The following LRRTM4 variants were observed in gnomAD, a reference collection of about 807,000 sequenced individuals.
The protein encoded by LRRTM4 is leucine-rich repeat transmembrane neuronal protein 4.
In LRRTM4, 25 loss-of-function variants were observed where a neutral mutation model predicts 47.6. The observed-to-expected ratio is 0.53, with a 90% CI of 0.38 to 0.73. The LOEUF (loss-of-function observed/expected upper bound fraction) is 0.73. Among genes scored for constraint, LRRTM4 ranks in the 30% least tolerant of loss-of-function variants. The pLI is 0.00. For synonymous variants in LRRTM4, 311 were observed against 269.5 expected (o/e 1.15, Z -1.51); for missense variants, 638 against 713.4 (o/e 0.89, Z 1.20).
intron 3 of LRRTM4, among the ~76,000 whole-genome samples, chr2:76,991,534 G>A (rs191719461): frequency 4.6e-5 from 7 of 151,702 alleles, no homozygotes; most frequent in South Asian, 2.1e-4. Flanking sequence ...AAATTCTAGC[G>A]GAAATTTATA....
At position 77,494,160 on chromosome 2, in the gene LRRTM4, C is replaced by T. The variant is rs1003482591; in HGVS notation, c.1551+24158G>A. On this transcript the variant is annotated intron_variant, in intron 3 of 3. Coordinates refer to ENST00000409884, the MANE Select transcript of LRRTM4 (RefSeq NM_001134745.3). ...TCTTAATATGTTAAAGGTTTTACAGCGAAAATCAATTGCTGTTCTTGTATA... is the reference window on the plus strand; with the variant it reads ...TCTTAATATGTTAAAGGTTTTACAGTGAAAATCAATTGCTGTTCTTGTATA... Among the ~76,000 whole-genome samples, 4 of 151,824 alleles carry T rather than the reference C, an allele frequency of 2.6e-5. No individual in the cohort carries two copies. In the South Asian group the frequency reaches 6.2e-4, roughly 24 times the overall value.
At chr2:76,839,639 T>C (rs962425989) in intron 3 of LRRTM4, among the ~76,000 whole-genome samples, 7 of 152,098 alleles carry the variant, frequency 4.6e-5, no homozygotes, top group African/African-American at 1.7e-4. Flanking sequence ...CATGAAAATA[T>C]AATTATTCAA....
chr2:77,246,954 T>A (rs1369076154), intron 3 of LRRTM4, among the ~76,000 whole-genome samples: 1 of 152,044 alleles, frequency 6.6e-6, no homozygotes, highest in Non-Finnish European at 1.5e-5. Flanking sequence ...CAGAGGCAAA[T>A]ATGCCAGCAT....
Position 76,900,130 on chromosome 2 carries a change from G to A in LRRTM4, c.1552-151214C>T, listed in dbSNP as rs539742667. On this transcript the variant is annotated intron_variant, in intron 3 of 3. Transcript: ENST00000409884. ...TGCCTCTAGTCCCAGCTGCTTGGGA[G>A]GCTTGAGGTGGGAGATTGGCTTGAA... is the stretch of plus-strand genomic sequence containing the variant. 3.4e-4 allele frequency among the ~76,000 whole-genome samples: 51 copies of A among 152,156 alleles called. 3 individuals are homozygous for A. The South Asian group carries it at 0.01, about 31-fold the overall frequency.
At chr2:77,035,218 C>A (rs776842422) in intron 3 of LRRTM4, among the ~76,000 whole-genome samples, 1 of 151,576 alleles carries the variant, frequency 6.6e-6, no homozygotes, top group African/African-American at 2.4e-5. Flanking sequence ...CCCTTCCCCC[C>A]ACCCCGGTGT....
rs1171044532 is a variant in LRRTM4 at position 76,778,018 on chromosome 2, C to G, written c.1552-29102G>C. Among the ~76,000 whole-genome samples the G allele has an allele frequency of 2.7e-3, 391 of 144,634 alleles. 1 individual carries two copies. The highest frequency in any genetic ancestry group is 0.026 in the East Asian group (125 of 4,740). 94.9% of individuals were successfully genotyped at this position (144,634 alleles called of 152,430 possible). On this transcript the variant is annotated intron_variant, in intron 3 of 3. Coordinates refer to ENST00000409884, the MANE Select transcript of LRRTM4 (RefSeq NM_001134745.3). ...CTTTTTCTGCATCTATTGAGATAAT[C>G]ATGTGGTTTTTGTCTTTGGCTCTGT...
chr2:77,201,637 T>C (rs1429659213), intron 3 of LRRTM4, among the ~76,000 whole-genome samples: 1 of 152,110 alleles, frequency 6.6e-6, no homozygotes, highest in Non-Finnish European at 1.5e-5. Context: ...TTAGTGTTCT[T>C]TTAATATACC....
At chr2:76,865,709 A>G (rs1038976383) in intron 3 of LRRTM4, among the ~76,000 whole-genome samples, 1 of 151,866 alleles carries the variant, frequency 6.6e-6, no homozygotes, top group African/African-American at 2.4e-5. Context: ...TAAATCAGAG[A>G]GAAGTATACT....
chr2:76,753,985 A>G (rs943596051), intron 3 of LRRTM4, among the ~76,000 whole-genome samples: 1 of 152,156 alleles, frequency 6.6e-6, no homozygotes, highest in Non-Finnish European at 1.5e-5. Context: ...TTTCACGAAC[A>G]TTGTTCACAT....
At chr2:77,241,703 C>T (rs757956608) in intron 3 of LRRTM4, among the ~76,000 whole-genome samples, 12 of 151,974 alleles carry the variant, frequency 7.9e-5, no homozygotes, top group East Asian at 1.9e-4. Context: ...TATAAATATT[C>T]GCTAATATAT....
intron 3 of LRRTM4, among the ~76,000 whole-genome samples, chr2:77,212,629 G>A (rs1190903242): frequency 6.6e-6 from 1 of 151,336 alleles, no homozygotes; most frequent in Admixed American, 6.6e-5. Flanking sequence ...AAATTTAGAT[G>A]AACTGTCTTA....
At chr2:77,066,794 T>G (rs1472528182) in intron 3 of LRRTM4, among the ~76,000 whole-genome samples, 1 of 152,190 alleles carries the variant, frequency 6.6e-6, no homozygotes, top group African/African-American at 2.4e-5. Flanking sequence ...AAACAGAAAT[T>G]AAAGAAGATG....
At chr2:76,795,596 C>T (rs10221607) in intron 3 of LRRTM4, among the ~76,000 whole-genome samples, 4 of 73,338 alleles carry the variant, frequency 5.5e-5, no homozygotes, top group South Asian at 4.9e-4. Flanking sequence ...CACACATACA[C>T]ACACACTACA....
At chr2:77,478,974 A>C (rs1677544193) in intron 3 of LRRTM4, among the ~76,000 whole-genome samples, 1 of 151,994 alleles carries the variant, frequency 6.6e-6, no homozygotes, top group African/African-American at 2.4e-5. Flanking sequence ...GGCTCACTGC[A>C]ACCTCCGCCT....
intron 3 of LRRTM4, among the ~76,000 whole-genome samples, chr2:77,264,368 G>A (rs778791494): frequency 5.9e-5 from 9 of 151,646 alleles, no homozygotes; most frequent in South Asian, 2.1e-4. Context: ...GCAAGTGAGC[G>A]CTCTGGTTTC....
intron 3 of LRRTM4, among the ~76,000 whole-genome samples, chr2:76,862,321 G>A (rs185370523): frequency 3.9e-5 from 6 of 152,216 alleles, no homozygotes; most frequent in Admixed American, 2.6e-4. Context: ...GAATTAAATG[G>A]CAATTCACAG....
chr2:77,292,410 T>C (rs371289324), intron 3 of LRRTM4, among the ~76,000 whole-genome samples: 59 of 151,640 alleles, frequency 3.9e-4, no homozygotes, highest in Middle Eastern at 3.4e-3. Context: ...ATGTTTATTG[T>C]GGCACTATTC....
At chr2:76,961,266 C>T (rs893997171) in intron 3 of LRRTM4, among the ~76,000 whole-genome samples, 1 of 151,324 alleles carries the variant, frequency 6.6e-6, no homozygotes, top group Admixed American at 6.6e-5. Flanking sequence ...AGAGGAGATG[C>T]TGTCAAAACA....
intron 3 of LRRTM4, among the ~76,000 whole-genome samples, chr2:76,886,003 T>C (rs1673065720): frequency 6.6e-6 from 1 of 152,158 alleles, no homozygotes; most frequent in South Asian, 2.1e-4. Flanking sequence ...TGGTACACTA[T>C]AAGAAATATA....
Sources: allele counts gnomAD v4.1 joint callset (sites outside exome capture counted in the v4.1 genomes callset), GRCh38; gene constraint gnomAD v4.1.1; transcripts MANE v1.5; gene names NCBI Gene and HGNC (gene_info 2026-07-23, HGNC 2026-07-21).